Variants in UBA2 observed in about 807,000 individuals in gnomAD.
UBA2 encodes ubiquitin like modifier activating enzyme 2.
A neutral mutation model predicts 77.2 loss-of-function variants in UBA2; 11 were observed. The ratio of observed to expected loss-of-function variants is 0.14; its 90% CI spans 0.09 to 0.24. The LOEUF (loss-of-function observed/expected upper bound fraction) is 0.24. Ranked by LOEUF, UBA2 falls within the 10% of genes least tolerant of loss-of-function variation. UBA2 has a pLI of 1.00. For missense variants in UBA2, 487 were observed against 781.7 expected (o/e 0.62, Z 4.50); for synonymous variants, 278 against 276.7 (o/e 1.00, Z -0.05).
intron 2 of UBA2, among the ~76,000 whole-genome samples, chr19:34,431,603 T>C (rs899863589): frequency 3.3e-5 from 5 of 152,198 alleles, no homozygotes; most frequent in Admixed American, 3.3e-4. Flanking sequence ...GTATTTTTGC[T>C]GAAGCTTGCC....
At chr19:34,429,622 T>C (rs2075228842) in intron 1 of UBA2, among the ~76,000 whole-genome samples, 2 of 152,040 alleles carry the variant, frequency 1.3e-5, no homozygotes, top group African/African-American at 4.8e-5. Context: ...TTGCCATGTA[T>C]CATTTAAGAA....
chr19:34,439,164 C>T (rs1007301323), intron 6 of UBA2, among the ~76,000 whole-genome samples: 5 of 149,642 alleles, frequency 3.3e-5, no homozygotes, highest in Admixed American at 6.7e-5. Flanking sequence ...GCCGAGATCG[C>T]GCCACTGCAC....
intron 1 of UBA2, chr19:34,429,067 T>C (rs1325412760): frequency 3.0e-6 from 3 of 985,344 alleles, no homozygotes; most frequent in Non-Finnish European, 2.4e-6. Flanking sequence ...ACCATCTTCA[T>C]ACCACCCGAG....
chr19:34,467,775 C>G (rs2075703506), intron 16 of UBA2, among the ~76,000 whole-genome samples: 1 of 152,146 alleles, frequency 6.6e-6, no homozygotes, highest in Non-Finnish European at 1.5e-5. Flanking sequence ...ACAAACAAGT[C>G]ATTTAAGACT....
chr19:34,458,612 T>G (rs1278596428), intron 12 of UBA2, 157 bp from the exon 13 acceptor site: 2 of 386,514 alleles, frequency 5.2e-6, no homozygotes, highest in Non-Finnish European at 9.2e-6. Flanking sequence ...AAAACCAGGT[T>G]CCTAAAAAGG....
Position 34,471,054 on chromosome 19 carries a change from G to A in UBA2, c.*1833G>A, listed in dbSNP as rs953608744. The A allele has an allele frequency of 6.6e-6, 1 of 152,190 alleles. No individual in the cohort carries two copies. Among genetic ancestry groups the A allele is most frequent in the African/African-American group, 2.4e-5 (1 of 41,434 alleles). 9.4% of individuals were successfully genotyped at this position (152,190 alleles called of 1,614,324 possible). Reference sequence around the variant, plus strand: ...ACAGATAGTGCCAGACCGCCAGTAGGTGGAGTAGCACTGTCTTCCTGGTCC... The same window carrying A: ...ACAGATAGTGCCAGACCGCCAGTAGATGGAGTAGCACTGTCTTCCTGGTCC... On this transcript the variant is annotated 3_prime_UTR_variant, in exon 17 of 17. Transcript: ENST00000246548.
At chr19:34,455,463 A>G (rs1599922463) in intron 12 of UBA2, among the ~76,000 whole-genome samples, 2 of 152,130 alleles carry the variant, frequency 1.3e-5, no homozygotes, top group African/African-American at 4.8e-5. Context: ...TTGTGTCTGC[A>G]GACACTTCGC....
intron 12 of UBA2, 24 bp downstream of exon 12, chr19:34,454,580 T>C: frequency 8.6e-7 from 1 of 1,167,724 alleles, no homozygotes; most frequent in Non-Finnish European, 1.2e-6. Context: ...TTTGCATTTT[T>C]ATGCAACCCC....
chr19:34,449,610 A>G (rs2075470652), intron 8 of UBA2, among the ~76,000 whole-genome samples: 1 of 152,234 alleles, frequency 6.6e-6, no homozygotes, highest in South Asian at 2.1e-4. Context: ...AAAGAAAAAA[A>G]TATTAAAATC....
intron 1 of UBA2, 171 bp downstream of exon 1, chr19:34,428,741 T>A: frequency 8.8e-7 from 1 of 1,140,412 alleles, no homozygotes; most frequent in Non-Finnish European, 1.1e-6. Flanking sequence ...GGGAGGAGAC[T>A]GTTCTTTGGG....
intron 12 of UBA2, among the ~76,000 whole-genome samples, chr19:34,455,257 T>G (rs1455249120): frequency 6.6e-6 from 1 of 152,216 alleles, no homozygotes; most frequent in Admixed American, 6.5e-5. Context: ...TATGGGAAGA[T>G]ACTCCTCCCC....
intron 4 of UBA2, among the ~76,000 whole-genome samples, chr19:34,434,649 TCTC>T (rs1328085947): frequency 1.3e-5 from 2 of 152,194 alleles, no homozygotes; most frequent in Non-Finnish European, 1.5e-5. Context: ...TGTGGGTACT[TCTC>T]CTGGAGTAAA....
intron 10 of UBA2, 26 bp downstream of exon 10, chr19:34,452,173 TA>T (rs2145540896): frequency 6.5e-7 from 1 of 1,534,880 alleles, no homozygotes; most frequent in South Asian, 1.3e-5. Context: ...GTGTGGCAAG[TA>T]CTTACATGTC....
intron 9 of UBA2, among the ~76,000 whole-genome samples, chr19:34,451,767 C>A (rs928628862): frequency 1.8e-4 from 27 of 151,796 alleles, no homozygotes; most frequent in Non-Finnish European, 3.4e-4. Flanking sequence ...AGGATGGTCT[C>A]GATCTCCTGA....
At chr19:34,455,471 C>T (rs951825964) in intron 12 of UBA2, among the ~76,000 whole-genome samples, 13 of 152,084 alleles carry the variant, frequency 8.5e-5, no homozygotes, top group East Asian at 5.8e-4. Context: ...GCAGACACTT[C>T]GCTTTCTTAC....
intron 6 of UBA2, among the ~76,000 whole-genome samples, chr19:34,440,198 T>C (rs1974818): frequency 0.78 from 117,540 of 151,302 alleles, 46,993 homozygotes; most frequent in Non-Finnish European, 0.88. Flanking sequence ...GTGGTGGGCA[T>C]CTGTAGTCCC....
In UBA2 at chr19:34,452,135, C is replaced by A. The variant is rs201324122; in HGVS notation, c.1026C>A (p.Leu342=). The change falls in exon 10 of 17, where the codon CTC becomes CTA. Residue 342 remains leucine (L), a synonymous_variant. Transcript: ENST00000246548. ...CAGAAAAGGGGGATGGAGCTGAGCT[C>A]ATATGGGATAAGGTTCGTTTTGACA... ...HLAEKGDGAE[L]IWDKDDPSAM... The A allele has an allele frequency of 6.2e-7, 1 of 1,601,086 alleles. No individual in the cohort carries two copies. The highest frequency in any genetic ancestry group is 1.1e-5 in the South Asian group (1 of 89,068).
chr19:34,441,170 AC>A (rs977459522), intron 6 of UBA2, among the ~76,000 whole-genome samples: 1 of 152,164 alleles, frequency 6.6e-6, no homozygotes, highest in African/African-American at 2.4e-5. Context: ...ATAAAAACTT[AC>A]TAGGCCGGGC....
chr19:34,467,049 C>A (rs759293408), intron 16 of UBA2, 35 bp downstream of exon 16: 2 of 1,599,274 alleles, frequency 1.3e-6, no homozygotes, highest in Admixed American at 1.7e-5. Context: ...TTGTTAAATA[C>A]CCACAAAGCA....
Sources: gnomAD v4.1 joint callset for allele counts (sites outside exome capture counted in the v4.1 genomes callset) on GRCh38, gnomAD v4.1.1 for gene constraint, MANE v1.5 for transcripts, NCBI Gene and HGNC (gene_info 2026-07-23, HGNC 2026-07-21) for gene names.